Variants in MTFR1 observed in about 807,000 individuals in gnomAD.
MTFR1 encodes chondrocyte protein with a poly-proline region.
Under a neutral mutation model 38.8 loss-of-function variants are expected in MTFR1, and 28 were observed. The observed-to-expected ratio is 0.72, with a 90% CI of 0.53 to 0.99. The LOEUF is 0.99. Among genes scored for constraint, MTFR1 ranks in the 50% least tolerant of loss-of-function variants. The probability of loss-of-function intolerance (pLI) is 0.00; values close to 1 mark genes in which losing one functional copy is unlikely to be tolerated. For synonymous variants in MTFR1, 145 were observed against 137.0 expected, an observed-to-expected ratio of 1.06 and a Z score of -0.41; for missense variants, 358 against 395.5, an observed-to-expected ratio of 0.91 and a Z score of 0.81.
chr8:65,708,923 C>T (rs990026794), intron 7 of MTFR1, 53 bp from the exon 8 acceptor site: 7 of 1,565,908 alleles, frequency 4.5e-6, no homozygotes, highest in East Asian at 2.2e-5. Flanking sequence ...GGGGGCGTAT[C>T]GTTACTGTTA....
At chr8:65,700,409 T>C (rs1484769024) in intron 4 of MTFR1, among the ~76,000 whole-genome samples, 1 of 149,436 alleles carries the variant, frequency 6.7e-6, no homozygotes, top group Admixed American at 6.7e-5. Context: ...TTCTGTGGAA[T>C]AGAAGTATTC....
downstream of MTFR1, among the ~76,000 whole-genome samples, chr8:65,774,662 TAAAAC>T (rs1015809749): frequency 1.1e-4 from 17 of 151,586 alleles, no homozygotes; most frequent in African/African-American, 3.9e-4. Context: ...TAAAAATATA[TAAAAC>T]AAAATTTATT....
chr8:65,738,931 G>T (rs1267046274), intron 3 of MTFR1, among the ~76,000 whole-genome samples: 1 of 152,210 alleles, frequency 6.6e-6, no homozygotes, highest in African/African-American at 2.4e-5. Context: ...ACAATTTCCT[G>T]TATCTGTGGC....
intron 1 of MTFR1, among the ~76,000 whole-genome samples, chr8:65,662,388 G>A (rs1216567519): frequency 6.6e-6 from 1 of 151,690 alleles, no homozygotes; most frequent in Non-Finnish European, 1.5e-5. Context: ...ACGGAGTCGC[G>A]TTCACTCAGT....
rs1805887316 is a variant in MTFR1, at chr8:65,709,581, A to T, written c.*537A>T. 1 of 152,784 alleles carries T rather than the reference A, an allele frequency of 6.5e-6. No individual in the cohort carries two copies. Among genetic ancestry groups the T allele is most frequent in the Admixed American group, 6.5e-5 (1 of 15,366 alleles). 9.5% of individuals were successfully genotyped at this position (152,784 alleles called of 1,614,324 possible). Reference sequence around the variant, plus strand: ...AGATTGGAAACTTCTTGCCTTGAACAGAACTTATATCTTAGATTCTCTCTC... The same window carrying T: ...AGATTGGAAACTTCTTGCCTTGAACTGAACTTATATCTTAGATTCTCTCTC... On this transcript the variant is annotated 3_prime_UTR_variant, in exon 8 of 8. Transcript: ENST00000262146.
intron 2 of MTFR1, among the ~76,000 whole-genome samples, chr8:65,717,331 G>A (rs186666513): frequency 6.6e-6 from 1 of 152,362 alleles, no homozygotes; most frequent in Admixed American, 6.5e-5. Flanking sequence ...CAATCAAGTA[G>A]AGTGGAGTGG....
chr8:65,761,651 A>G (rs1307459999), intron 3 of MTFR1, among the ~76,000 whole-genome samples: 1 of 152,232 alleles, frequency 6.6e-6, no homozygotes, highest in Non-Finnish European at 1.5e-5. Flanking sequence ...GACCAAGAAC[A>G]AACTACCAGC....
At chr8:65,699,809 T>C (rs1805558068) in intron 4 of MTFR1, among the ~76,000 whole-genome samples, 1 of 152,216 alleles carries the variant, frequency 6.6e-6, no homozygotes, top group South Asian at 2.1e-4. Flanking sequence ...TAGAAACAAA[T>C]TCTATTTAAG....
intron 1 of MTFR1, among the ~76,000 whole-genome samples, chr8:65,656,538 G>C (rs868687034): frequency 1.5e-5 from 2 of 136,854 alleles, no homozygotes; most frequent in Admixed American, 8.0e-5. Flanking sequence ...GTCTTTCTCT[G>C]TTGCCCAGGC....
chr8:65,758,095 G>C (rs1170074334), intron 3 of MTFR1, among the ~76,000 whole-genome samples: 5 of 152,196 alleles, frequency 3.3e-5, no homozygotes, highest in Non-Finnish European at 7.3e-5. Flanking sequence ...ATTGCTGGTT[G>C]TAATACTAGT....
At chr8:65,649,282 T>A (rs900581625) in intron 1 of MTFR1, among the ~76,000 whole-genome samples, 19 of 152,040 alleles carry the variant, frequency 1.2e-4, no homozygotes, top group African/African-American at 4.6e-4. Context: ...CCTCCCAGGT[T>A]CAAGTGATTC....
chr8:65,769,795 T>C (rs554787591), intron 3 of MTFR1, among the ~76,000 whole-genome samples: 2 of 151,230 alleles, frequency 1.3e-5, no homozygotes, highest in Non-Finnish European at 1.5e-5. Context: ...ACTCAGGAGG[T>C]TGAGGCAGGA....
At chr8:65,696,121 T>G (rs1201199254) in intron 4 of MTFR1, among the ~76,000 whole-genome samples, 1 of 152,190 alleles carries the variant, frequency 6.6e-6, no homozygotes, top group Non-Finnish European at 1.5e-5. Context: ...AATTTTGTTT[T>G]TCAGTTGGAA....
chr8:65,744,476 GAAT>G (rs1480733321), intron 3 of MTFR1, among the ~76,000 whole-genome samples: 1 of 152,250 alleles, frequency 6.6e-6, no homozygotes, highest in East Asian at 1.9e-4. Flanking sequence ...TCCGCAAAGA[GAAT>G]AAGAAAACAT....
At chr8:65,734,872 G>C (rs1444141492) in intron 3 of MTFR1, 1 of 1,609,792 alleles carries the variant, frequency 6.2e-7, no homozygotes, top group Non-Finnish European at 8.5e-7. Flanking sequence ...GATTTTGACT[G>C]TGGTAATCTT....
intron 1 of MTFR1, among the ~76,000 whole-genome samples, chr8:65,657,198 A>C (rs1217954486): frequency 6.6e-6 from 1 of 151,946 alleles, no homozygotes; most frequent in Non-Finnish European, 1.5e-5. Flanking sequence ...TTTTCCGTAG[A>C]GATGGAGTTT....
At chr8:65,655,970 C>CATATATATATGTATATATATAT (rs1809253528) in intron 1 of MTFR1, among the ~76,000 whole-genome samples, 1 of 53,634 alleles carries the variant, frequency 1.9e-5, no homozygotes, top group African/African-American at 1.0e-4. Context: ...ATATATATAC[C>CATATATATATGTATATATATAT]ATATATATAT....
At chr8:65,707,687 C>T (rs1805824596) in intron 6 of MTFR1, among the ~76,000 whole-genome samples, 156 bp from the exon 7 acceptor site, 2 of 152,168 alleles carry the variant, frequency 1.3e-5, no homozygotes, top group African/African-American at 2.4e-5. Context: ...AGCATTAGCT[C>T]TAGGCTTCCA....
intron 4 of MTFR1, among the ~76,000 whole-genome samples, chr8:65,703,596 G>C (rs1805688187): frequency 6.6e-6 from 1 of 151,710 alleles, no homozygotes; most frequent in South Asian, 2.1e-4. Context: ...ACCATACTCA[G>C]CTAATTCTTG....
Sources: gnomAD v4.1 joint callset for allele counts (sites outside exome capture counted in the v4.1 genomes callset) on GRCh38, gnomAD v4.1.1 for gene constraint, MANE v1.5 for transcripts, NCBI Gene and HGNC (gene_info 2026-07-23, HGNC 2026-07-21) for gene names.